RAD51D: variants seen among roughly 807,000 people sequenced by gnomAD.
RAD51D encodes RAD51 paralog D, also known as DNA repair protein RAD51 homolog 4.
In RAD51D, 38 loss-of-function variants were observed where a neutral mutation model predicts 44.1. The ratio of observed to expected loss-of-function variants is 0.86; its 90% CI spans 0.67 to 1.13. The LOEUF is 1.13. Among genes scored for constraint, RAD51D ranks in the 50% most tolerant of loss-of-function variants. RAD51D has a pLI of 0.00. For missense variants in RAD51D, 390 were observed against 414.0 expected, an observed-to-expected ratio of 0.94 and a Z score of 0.50; for synonymous variants, 141 against 166.6, an observed-to-expected ratio of 0.85 and a Z score of 1.18.
intron 3 of RAD51D, among the ~76,000 whole-genome samples, chr17:35,111,671 G>A (rs1002200941): frequency 3.9e-5 from 6 of 152,154 alleles, no homozygotes; most frequent in African/African-American, 1.4e-4. Flanking sequence ...TACCACACTA[G>A]GCTTAATTAT....
chr17:35,103,632 A>G lies in RAD51D; in HGVS notation c.577-88T>C, dbSNP rs945037285. ...GCTTGCTTTTCTATCTAAAACTAGTAAGAAATAGCCCCCCCATCCCAAATA... is the reference window on the plus strand; with the variant it reads ...GCTTGCTTTTCTATCTAAAACTAGTGAGAAATAGCCCCCCCATCCCAAATA... On this transcript the variant is annotated intron_variant, in intron 6 of 9. Coordinates refer to ENST00000345365, the MANE Select transcript of RAD51D (RefSeq NM_002878.4). This position sits in a 1 kb window ranked among gnomAD's most constrained non-coding sequence, Gnocchi z 4.1. 4.1e-6 allele frequency: 4 copies of G among 972,878 alleles called. No homozygotes were observed. In the South Asian group the frequency reaches 5.4e-5, roughly 13 times the overall value. 60.3% of individuals were successfully genotyped at this position (972,878 alleles called of 1,614,324 possible). A position where few individuals can be genotyped will look rare whatever the true frequency, so the allele number is the denominator to read the frequency against.
At position 35,103,670 on chromosome 17, in the gene RAD51D, C is replaced by A. The variant is rs756878632; in HGVS notation, c.577-126G>T. The A allele has an allele frequency of 6.9e-6, 5 of 726,708 alleles. No homozygotes were observed. The highest frequency in any genetic ancestry group is 5.4e-5 in the East Asian group (2 of 37,130). The allele number at this position is 726,708 out of a possible 1,614,324, so 45.0% of individuals were successfully genotyped here. On this transcript the variant is annotated intron_variant, in intron 6 of 9. Transcript: ENST00000345365. The surrounding 1 kb of genome is among the most constrained non-coding windows in gnomAD (Gnocchi z 4.1). ...CCCATCCCAAATACAGCAAGCTGCA[C>A]GGGCATCACAGAATGTCATCAGCAG...
intron 6 of RAD51D, among the ~76,000 whole-genome samples, chr17:35,105,364 C>T (rs1347800405): frequency 2.0e-5 from 3 of 152,156 alleles, no homozygotes; most frequent in South Asian, 2.1e-4. Flanking sequence ...GATCATAGCT[C>T]ACTGCAACCT....
At chr17:35,106,109 A>C (rs1483528043) in intron 6 of RAD51D, 1 of 594,910 alleles carries the variant, frequency 1.7e-6, no homozygotes, top group Non-Finnish European at 3.2e-6. Flanking sequence ...ACTTGCAGCT[A>C]AAAGTATTCC....
In RAD51D at chr17:35,100,977, G is replaced by C. The variant is rs2142408789; in HGVS notation, c.963C>G (p.Ala321=). ...GTCATGTCTGATCACCCTGTAATGTGGCACTCTGCTCTGAGGTCCCCCAGG... is the reference window on the plus strand; with the variant it reads ...GTCATGTCTGATCACCCTGTAATGTCGCACTCTGCTCTGAGGTCCCCCAGG... ...IGTWGTSEQS[A]TLQGDQT is the part of the protein sequence containing the mutation. Residue 321 remains alanine (A), a synonymous_variant, in exon 10 of 10, where the codon GCC becomes GCG. Transcript: ENST00000345365. 6.2e-7 allele frequency: 1 copy of C among 1,613,362 alleles called. No individual in the cohort carries two copies. Among genetic ancestry groups the C allele is most frequent in the Non-Finnish European group, 8.5e-7 (1 of 1,179,332 alleles).
rs2142436891 is a variant in RAD51D, at chr17:35,107,405, C to T, written c.306G>A (p.Val102=). Residue 102 remains valine, a synonymous_variant, in exon 4 of 10, where the codon GTG becomes GTA. Transcript: ENST00000345365. ...LLDAGLYTGE[V]TEIVGGPGSG... ...TACCTGGGCCTCCTACAATTTCAGT[C>T]ACTTCTCCAGTATAGAGACCAGCAT... The T allele has an allele frequency of 6.4e-7, 1 of 1,567,050 alleles. No individual in the cohort carries two copies. Among genetic ancestry groups the T allele is most frequent in the Non-Finnish European group, 8.8e-7 (1 of 1,137,258 alleles).
At chr17:35,115,935 GGAAGAAAGA>G (rs2091733793) in intron 3 of RAD51D, among the ~76,000 whole-genome samples, 1 of 108,510 alleles carries the variant, frequency 9.2e-6, no homozygotes, top group Non-Finnish European at 1.9e-5. Flanking sequence ...AAGGAAGGAA[GGAAGAAAGA>G]AAAGGAAGAA....
chr17:35,119,733 C>T lies in RAD51D; in HGVS notation c.-120G>A. The T allele has an allele frequency of 1.0e-6, 1 of 1,004,922 alleles. No individual in the cohort carries two copies. Among genetic ancestry groups the T allele is most frequent in the Non-Finnish European group, 1.5e-6 (1 of 652,882 alleles). The allele number at this position is 1,004,922 out of a possible 1,614,324, so 62.3% of individuals were successfully genotyped here. On this transcript the variant is annotated 5_prime_UTR_variant, in exon 1 of 10. Coordinates refer to ENST00000345365, the MANE Select transcript of RAD51D (RefSeq NM_002878.4). ...AGAGAGGACACAGGCGCGCTGGCTGCCGGAGGAGAAAGGAGAGAGGAGGAG... is the reference window on the plus strand; with the variant it reads ...AGAGAGGACACAGGCGCGCTGGCTGTCGGAGGAGAAAGGAGAGAGGAGGAG...
chr17:35,115,896 A>AAAGAAGGAAAGG (rs1555569832), intron 3 of RAD51D, among the ~76,000 whole-genome samples: 8 of 84,716 alleles, frequency 9.4e-5, no homozygotes, highest in African/African-American at 4.0e-4. Context: ...GGAAAGAAGG[A>AAAGAAGGAAAGG]AAGGAAGGAA....
At position 35,106,607 on chromosome 17, in the gene RAD51D, C is replaced by T. The variant is rs148001862; in HGVS notation, c.481-126G>A. On this transcript the variant is annotated intron_variant, in intron 5 of 9. Coordinates refer to ENST00000345365, the MANE Select transcript of RAD51D (RefSeq NM_002878.4). ...GTCCAGGGTGGCAAATGAGCTTTGT[C>T]TAATGGTCAGTTGTCACAGTGGTGG... 1.3e-3 allele frequency: 1,002 copies of T among 751,538 alleles called. 8 individuals are homozygous for T. The Middle Eastern group carries it at 0.021, about 15-fold the overall frequency. 46.6% of individuals were successfully genotyped at this position (751,538 alleles called of 1,614,324 possible).
chr17:35,119,354 C>CCCTGTTTTA, intron 1 of RAD51D, 178 bp downstream of exon 1: 1 of 911,664 alleles, frequency 1.1e-6, no homozygotes, highest in Non-Finnish European at 1.8e-6. Flanking sequence ...GGAATCTCTA[C>CCCTGTTTTA]CCTGTTTTAG....
rs553444507 is a variant in RAD51D at position 35,119,620 on chromosome 17, C to G, written c.-7G>C. The G allele has an allele frequency of 6.2e-7, 1 of 1,610,238 alleles. No homozygotes were observed. The highest frequency in any genetic ancestry group is 8.5e-7 in the Non-Finnish European group (1 of 1,179,938). ...CGACCCTGAGCACGCCCATGTTCCC[C>G]GCAGGCCGGAACAGCCCCAGGGGGA... On this transcript the variant is annotated 5_prime_UTR_variant, in exon 1 of 10. Coordinates refer to ENST00000345365, the MANE Select transcript of RAD51D (RefSeq NM_002878.4).
rs2091475610 is a variant in RAD51D, at chr17:35,094,526, G to A, written c.*6427C>T. On this transcript the variant is annotated 3_prime_UTR_variant, in exon 10 of 10. Transcript: ENST00000345365. ...TAACTTCCCTGGGGGAAATCAGAAA[G>A]AGCTGAGAAGTAGATCTCTGATCCC... 1 of 152,224 alleles carries A rather than the reference G, an allele frequency of 6.6e-6. No homozygotes were observed. Among genetic ancestry groups the A allele is most frequent in the African/African-American group, 2.4e-5 (1 of 41,470 alleles). 9.4% of individuals were successfully genotyped at this position (152,224 alleles called of 1,614,324 possible). A position where few individuals can be genotyped will look rare whatever the true frequency, so the allele number is the denominator to read the frequency against.
chr17:35,111,596 T>G (rs2091677801), intron 3 of RAD51D, among the ~76,000 whole-genome samples: 1 of 152,006 alleles, frequency 6.6e-6, no homozygotes, highest in South Asian at 2.1e-4. Flanking sequence ...TGTATACTTG[T>G]GGAGGTCTAT....
intron 3 of RAD51D, chr17:35,116,892 A>G: frequency 6.3e-7 from 1 of 1,591,292 alleles, no homozygotes; most frequent in South Asian, 1.1e-5. Flanking sequence ...TCGTTCATCG[A>G]AAGCATTCAG....
chr17:35,109,439 G>C (rs922742798), intron 3 of RAD51D, among the ~76,000 whole-genome samples: 1 of 152,130 alleles, frequency 6.6e-6, no homozygotes, highest in Non-Finnish European at 1.5e-5. Flanking sequence ...ATTGCTGGGT[G>C]GTATGGTAAA....
chr17:35,099,884 G>A lies in RAD51D; in HGVS notation c.*1069C>T, dbSNP rs1465440812. ...TCTCAGACGGATGGCCACAGTGCTG[G>A]TGAAAGACAGAGGGATTATTTCATA... On this transcript the variant is annotated 3_prime_UTR_variant, in exon 10 of 10. Transcript: ENST00000345365. 3 of 516,650 alleles carry A rather than the reference G, an allele frequency of 5.8e-6. No homozygotes were observed. Among genetic ancestry groups the A allele is most frequent in the South Asian group, 4.6e-5 (3 of 64,994 alleles). The allele number at this position is 516,650 out of a possible 1,614,324, so 32.0% of individuals were successfully genotyped here.
At chr17:35,102,418 C>T (rs745624961) in intron 8 of RAD51D, among the ~76,000 whole-genome samples, 7 of 150,504 alleles carry the variant, frequency 4.7e-5, no homozygotes, top group Non-Finnish European at 7.4e-5. Flanking sequence ...TGGGATTACA[C>T]GCATAAACCA....
At chr17:35,107,923 T>C (rs1355984067) in intron 3 of RAD51D, among the ~76,000 whole-genome samples, 4 of 151,272 alleles carry the variant, frequency 2.6e-5, no homozygotes, top group Non-Finnish European at 5.9e-5. Context: ...CCCGACTAGT[T>C]TTTTTAATTA....
Sources: allele counts gnomAD v4.1 joint callset (sites outside exome capture counted in the v4.1 genomes callset), GRCh38; gene constraint gnomAD v4.1.1; non-coding constraint Gnocchi (gnomAD v3.1); transcripts MANE v1.5; gene names NCBI Gene and HGNC (gene_info 2026-07-23, HGNC 2026-07-21).